Variants in CDH12 observed in about 807,000 individuals in gnomAD.
CDH12 encodes cadherin 12.
In CDH12, 41 loss-of-function variants were observed where a neutral mutation model predicts 74.1. That is an observed-to-expected ratio of 0.55 (90% CI 0.43 to 0.72). CDH12 has a LOEUF of 0.72. Ranked by LOEUF, CDH12 falls within the 30% of genes least tolerant of loss-of-function variation. The pLI is 0.00. For synonymous variants in CDH12, 399 were observed against 355.0 expected (o/e 1.12, Z -1.39); for missense variants, 945 against 977.2 (o/e 0.97, Z 0.44).
intron 6 of CDH12, among the ~76,000 whole-genome samples, chr5:21,959,736 C>CA (rs1183633363): frequency 1.4e-5 from 2 of 138,244 alleles, no homozygotes; most frequent in Non-Finnish European, 3.1e-5. Flanking sequence ...TGTGAAACCC[C>CA]ATCTCTACTA....
At chr5:21,965,573 A>G (rs1431290204) in intron 6 of CDH12, among the ~76,000 whole-genome samples, 2 of 151,382 alleles carry the variant, frequency 1.3e-5, no homozygotes, top group African/African-American at 4.9e-5. Flanking sequence ...TTTGTTAATT[A>G]TTTGTAAAAC....
intron 1 of CDH12, among the ~76,000 whole-genome samples, chr5:22,583,689 T>A (rs976872699): frequency 6.6e-6 from 1 of 152,138 alleles, no homozygotes; most frequent in South Asian, 2.1e-4. Flanking sequence ...GAAAGGAGAA[T>A]AAAAGTCACA....
At chr5:22,105,373 A>G (rs564266576) in intron 4 of CDH12, among the ~76,000 whole-genome samples, 12 of 148,442 alleles carry the variant, frequency 8.1e-5, no homozygotes, top group Admixed American at 2.7e-4. Context: ...GATTACAGGC[A>G]TGAGCCACCA....
At chr5:21,885,666 C>T (rs1752591625) in intron 6 of CDH12, among the ~76,000 whole-genome samples, 1 of 152,120 alleles carries the variant, frequency 6.6e-6, no homozygotes, top group Admixed American at 6.5e-5. Context: ...AAGCAGTCAT[C>T]CTTTGCCAGT....
chr5:22,481,743 T>C (rs1746392715), intron 2 of CDH12, among the ~76,000 whole-genome samples: 1 of 152,088 alleles, frequency 6.6e-6, no homozygotes, highest in Non-Finnish European at 1.5e-5. Flanking sequence ...GTGTCAGTAA[T>C]GCAAGATAAA....
chr5:21,804,575 C>T (rs368302976), intron 9 of CDH12, among the ~76,000 whole-genome samples: 37 of 146,818 alleles, frequency 2.5e-4, no homozygotes, highest in African/African-American at 7.0e-4. Flanking sequence ...GAGTTATTAA[C>T]GAGAGTAAAT....
At chr5:22,850,758 C>A (rs1737513885) in intron 1 of CDH12, among the ~76,000 whole-genome samples, 1 of 152,078 alleles carries the variant, frequency 6.6e-6, no homozygotes, top group Admixed American at 6.6e-5. Context: ...ACAACAGAGT[C>A]TGCTAGTAGG....
chr5:22,541,423 G>A (rs1270401059), intron 1 of CDH12, among the ~76,000 whole-genome samples: 1 of 152,190 alleles, frequency 6.6e-6, no homozygotes, highest in Non-Finnish European at 1.5e-5. Context: ...GCTGTGGGGT[G>A]TGAGGCACCA....
At chr5:22,634,636 C>A (rs1738743480) in intron 1 of CDH12, among the ~76,000 whole-genome samples, 1 of 152,062 alleles carries the variant, frequency 6.6e-6, no homozygotes, top group Non-Finnish European at 1.5e-5. Context: ...AATTCAAGAT[C>A]ACCGCTGAAT....
intron 3 of CDH12, among the ~76,000 whole-genome samples, chr5:22,315,522 G>A (rs763788392): frequency 5.3e-5 from 8 of 152,110 alleles, no homozygotes; most frequent in East Asian, 1.9e-4. Flanking sequence ...TTAAGAAAAT[G>A]TAGGAGAATG....
In CDH12 at chr5:22,132,493, C is replaced by T. The variant is rs190610680; in HGVS notation, c.-186-53631G>A. Among the ~76,000 whole-genome samples the T allele has an allele frequency of 3.7e-3, 563 of 151,712 alleles. 3 individuals are homozygous for T. Among genetic ancestry groups the T allele is most frequent in the Non-Finnish European group, 4.7e-3 (316 of 67,886 alleles). ...TTGGGATGCATTGTTTTATTTCCCC[C>T]GAGAACACAGCAGCCTTGTGCAAGA... On this transcript the variant is annotated intron_variant, in intron 4 of 14. Transcript: ENST00000382254.
chr5:22,567,509 GT>G (rs2126760438), intron 1 of CDH12, among the ~76,000 whole-genome samples: 1 of 152,226 alleles, frequency 6.6e-6, no homozygotes, highest in South Asian at 2.1e-4. Flanking sequence ...ATCACATGTA[GT>G]TTAGGGCAAT....
intron 1 of CDH12, among the ~76,000 whole-genome samples, chr5:22,749,678 TC>T (rs1375223583): frequency 1.3e-5 from 2 of 152,174 alleles, no homozygotes; most frequent in Non-Finnish European, 2.9e-5. Flanking sequence ...CACTATTTTT[TC>T]TATGAACACA....
At chr5:22,050,269 A>G (rs1740267957) in intron 5 of CDH12, among the ~76,000 whole-genome samples, 1 of 151,454 alleles carries the variant, frequency 6.6e-6, no homozygotes, top group East Asian at 1.9e-4. Flanking sequence ...TATCTTCCCA[A>G]CTCCCTAGAC....
At position 22,467,004 on chromosome 5, in the gene CDH12, G is replaced by A. The variant is rs552670090; in HGVS notation, c.-428+38266C>T. Among the ~76,000 whole-genome samples the A allele has an allele frequency of 2.3e-4, 28 of 119,322 alleles. No individual in the cohort carries two copies. In the South Asian group the frequency reaches 6.5e-3, roughly 28 times the overall value. The allele number at this position is 119,322 out of a possible 152,430, so 78.3% of individuals were successfully genotyped here. ...GGGTTTCACCATGTTGGCCAGGATG[G>A]TCTGGATCTCGACCTCGTGATCCGC... On this transcript the variant is annotated intron_variant, in intron 2 of 14. Transcript: ENST00000382254.
At chr5:22,370,394 T>C (rs1461837948) in intron 3 of CDH12, among the ~76,000 whole-genome samples, 1 of 152,176 alleles carries the variant, frequency 6.6e-6, no homozygotes, top group Non-Finnish European at 1.5e-5. Context: ...GAGTAATGCC[T>C]ACTGAGTAGA....
chr5:22,085,627 T>A (rs538479826), intron 4 of CDH12, among the ~76,000 whole-genome samples: 1 of 152,204 alleles, frequency 6.6e-6, no homozygotes, highest in East Asian at 1.9e-4. Context: ...GGTGGCCCTT[T>A]AATTTGAAAT....
intron 1 of CDH12, among the ~76,000 whole-genome samples, chr5:22,734,259 T>C (rs970413193): frequency 6.6e-6 from 1 of 151,936 alleles, no homozygotes; most frequent in Non-Finnish European, 1.5e-5. Context: ...TTCTATGTTC[T>C]GTCCGTAATT....
intron 14 of CDH12, among the ~76,000 whole-genome samples, 163 bp from the exon 15 acceptor site, chr5:21,752,399 A>C (rs1023861168): frequency 6.6e-6 from 1 of 152,224 alleles, no homozygotes; most frequent in Admixed American, 6.5e-5. Flanking sequence ...CATATGTTTA[A>C]ATTTTGAAAT....
Sources: allele counts gnomAD v4.1 joint callset (sites outside exome capture counted in the v4.1 genomes callset), GRCh38; gene constraint gnomAD v4.1.1; transcripts MANE v1.5; gene names NCBI Gene and HGNC (gene_info 2026-07-23, HGNC 2026-07-21).